Variants in SRSF7 observed in about 807,000 individuals in gnomAD.
SRSF7 encodes the protein serine/arginine-rich splicing factor 7.
In SRSF7, 15 loss-of-function variants were observed where a neutral mutation model predicts 42.2. That is an observed-to-expected ratio of 0.36 (90% CI 0.24 to 0.55). The LOEUF is 0.55. SRSF7 is among the 20% of genes least tolerant of loss of function. The pLI, the probability that SRSF7 is intolerant of heterozygous loss-of-function variation, is 0.88. For synonymous variants in SRSF7, 138 were observed against 107.9 expected (o/e 1.28, Z -1.73); for missense variants, 181 against 305.9 (o/e 0.59, Z 3.04).
Position 38,749,544 on chromosome 2 carries a change from C to A in SRSF7, c.371G>T (p.Arg124Leu). The A allele has an allele frequency of 1.3e-6, 2 of 1,569,718 alleles. No homozygotes were observed. Among genetic ancestry groups the A allele is most frequent in the African/African-American group, 1.4e-5 (1 of 72,626 alleles). ...HYAYDCHRYS[R>L]RRRSRSRSRS... Reference sequence around the variant, plus strand: ...AAATAAATACCTGCTTCTTCTTCGCCGGCTGTAACGATGACAATCATAAGC... The same window carrying A: ...AAATAAATACCTGCTTCTTCTTCGCAGGCTGTAACGATGACAATCATAAGC... The change falls in exon 3 of 8, where the codon CGG becomes CTG. Residue 124 changes from arginine to leucine, a missense_variant. Arg to Leu is a moderately radical substitution (Grantham distance 102). This residue lies in a region of SRSF7 where 136 missense variants were observed against 147.8 expected (regional missense o/e 0.92). Coordinates refer to ENST00000313117, the MANE Select transcript of SRSF7 (RefSeq NM_001031684.3).
intron 2 of SRSF7, 69 bp from the exon 3 acceptor site, chr2:38,749,774 C>G: frequency 1.4e-6 from 2 of 1,426,704 alleles, no homozygotes; most frequent in Non-Finnish European, 1.8e-6. Flanking sequence ...TTAAAAAGAA[C>G]TCTTTCCAAC....
intron 7 of SRSF7, 96 bp from the exon 8 acceptor site, chr2:38,745,283 GTA>G: frequency 7.8e-7 from 1 of 1,277,856 alleles, no homozygotes; most frequent in South Asian, 1.3e-5. Context: ...GTGGCCTAAG[GTA>G]CTAATTTCCT....
Position 38,744,836 on chromosome 2 carries a change from G to A in SRSF7, c.*297C>T. On this transcript the variant is annotated 3_prime_UTR_variant, in exon 8 of 8. Coordinates refer to ENST00000313117, the MANE Select transcript of SRSF7 (RefSeq NM_001031684.3). ...TATGAATAAGGTTAACAATTATAAT[G>A]TCTGACTCTCAAATATATCAAATTA... 6.3e-6 allele frequency: 2 copies of A among 319,632 alleles called. No homozygotes were observed. Among genetic ancestry groups the A allele is most frequent in the Non-Finnish European group, 1.1e-5 (2 of 174,054 alleles). 19.8% of individuals were successfully genotyped at this position (319,632 alleles called of 1,614,324 possible).
Position 38,744,350 on chromosome 2 carries a change from ATT to A in SRSF7, c.*781_*782del. On this transcript the variant is annotated 3_prime_UTR_variant, in exon 8 of 8. Transcript: ENST00000313117. ...ATTTCAGACAATTCCTCAAACATGC[ATT>A]TTTTGGTATAAAACTGGTTAACTAA... 1 of 152,592 alleles carries A rather than the reference ATT, an allele frequency of 6.6e-6. No homozygotes were observed. The highest frequency in any genetic ancestry group is 1.5e-5 in the Non-Finnish European group (1 of 68,044). The allele number at this position is 152,592 out of a possible 1,614,324, so 9.5% of individuals were successfully genotyped here. A position where few individuals can be genotyped will look rare whatever the true frequency, so the allele number is the denominator to read the frequency against.
Position 38,751,350 on chromosome 2 carries a change from C to A in SRSF7, c.-94G>T. 1 of 1,568,572 alleles carries A rather than the reference C, an allele frequency of 6.4e-7. No homozygotes were observed. Among genetic ancestry groups the A allele is most frequent in the Non-Finnish European group, 8.8e-7 (1 of 1,142,360 alleles). The stretch of plus-strand genomic sequence containing the variant: ...ACACACCTTCACCCGCCAAGAGTCC[C>A]GGCGGCACTACGAGGAAGAGCCCGG... On this transcript the variant is annotated 5_prime_UTR_variant, in exon 1 of 8. Coordinates refer to ENST00000313117, the MANE Select transcript of SRSF7 (RefSeq NM_001031684.3).
rs1390142243 is a variant in SRSF7, at chr2:38,746,786, G to A, written c.573-39C>T. ...GTGAAAAACACAATTATATCAATCAGTCCAAAGGAATTTCCTTAACTACTC... is the reference window on the plus strand; with the variant it reads ...GTGAAAAACACAATTATATCAATCAATCCAAAGGAATTTCCTTAACTACTC... On this transcript the variant is annotated intron_variant, in intron 5 of 7. Coordinates refer to ENST00000313117, the MANE Select transcript of SRSF7 (RefSeq NM_001031684.3). 6 of 1,609,054 alleles carry A rather than the reference G, an allele frequency of 3.7e-6. 1 individual carries two copies. The South Asian group carries it at 6.7e-5, about 18-fold the overall frequency.
In SRSF7 at chr2:38,744,189, G is replaced by T; in HGVS notation, c.*944C>A. ...CCTGGCAAAATAGAAGAATGTTGTGGTTGGGAACTGCAAAACCTAGCTTGA... is the reference window on the plus strand; with the variant it reads ...CCTGGCAAAATAGAAGAATGTTGTGTTTGGGAACTGCAAAACCTAGCTTGA... On this transcript the variant is annotated 3_prime_UTR_variant, in exon 8 of 8. Coordinates refer to ENST00000313117, the MANE Select transcript of SRSF7 (RefSeq NM_001031684.3). The T allele has an allele frequency of 6.6e-6, 1 of 152,590 alleles. No homozygotes were observed. The highest frequency in any genetic ancestry group is 6.6e-5 in the Admixed American group (1 of 15,258). The allele number at this position is 152,590 out of a possible 1,614,324, so 9.5% of individuals were successfully genotyped here. A position where few individuals can be genotyped will look rare whatever the true frequency, so the allele number is the denominator to read the frequency against.
intron 4 of SRSF7, 151 bp from the exon 5 acceptor site, chr2:38,748,308 A>T (rs1667786580): frequency 1.5e-6 from 1 of 680,662 alleles, no homozygotes; most frequent in Non-Finnish European, 2.5e-6. Flanking sequence ...CCAGCCTGGG[A>T]AACAGTGCAA....
At position 38,744,980 on chromosome 2, in the gene SRSF7, A is replaced by G; in HGVS notation, c.*153T>C. The G allele has an allele frequency of 1.4e-6, 1 of 695,426 alleles. No homozygotes were observed. The highest frequency in any genetic ancestry group is 2.3e-6 in the Non-Finnish European group (1 of 436,734). 43.1% of individuals were successfully genotyped at this position (695,426 alleles called of 1,614,324 possible). A position where few individuals can be genotyped will look rare whatever the true frequency, so the allele number is the denominator to read the frequency against. ...TGTTAATACATTCAACAAAATTTAT[A>G]TTATCTTACTGCTGTGAATTTACAT... On this transcript the variant is annotated 3_prime_UTR_variant, in exon 8 of 8. Transcript: ENST00000313117.
At chr2:38,745,642 G>T (rs1044962481) in intron 7 of SRSF7, among the ~76,000 whole-genome samples, 1 of 150,506 alleles carries the variant, frequency 6.6e-6, no homozygotes, top group Non-Finnish European at 1.5e-5. Context: ...GGGACAGAGC[G>T]AAAACTCCAT....
intron 7 of SRSF7, among the ~76,000 whole-genome samples, chr2:38,745,420 C>T (rs929796188): frequency 2.0e-5 from 3 of 147,004 alleles, no homozygotes; most frequent in Middle Eastern, 3.2e-3. Flanking sequence ...TGGGAGAGGC[C>T]GAGGCAGGTG....
chr2:38,746,642 T>G, intron 6 of SRSF7, 52 bp downstream of exon 6: 6 of 1,604,238 alleles, frequency 3.7e-6, no homozygotes, highest in Non-Finnish European at 5.1e-6. Context: ...TTTGAACTCT[T>G]TGGATATTGG....
intron 5 of SRSF7, 58 bp downstream of exon 5, chr2:38,747,989 C>T (rs958345935): frequency 1.6e-6 from 2 of 1,268,128 alleles, no homozygotes; most frequent in Non-Finnish European, 2.3e-6. Context: ...CCTTAAGACA[C>T]TCTACTGATA....
chr2:38,750,664 C>T (rs1237891581), intron 1 of SRSF7, among the ~76,000 whole-genome samples: 2 of 149,738 alleles, frequency 1.3e-5, no homozygotes, highest in African/African-American at 4.9e-5. Context: ...GCTCCCCGCC[C>T]CAGAGCCATA....
chr2:38,749,383 A>T, intron 3 of SRSF7, 146 bp downstream of exon 3: 1 of 1,543,454 alleles, frequency 6.5e-7, no homozygotes, highest in Non-Finnish European at 8.7e-7. Flanking sequence ...TTAATATAGT[A>T]ACATTTTTTT....
At position 38,744,826 on chromosome 2, in the gene SRSF7, C is replaced by T; in HGVS notation, c.*307G>A. The T allele has an allele frequency of 2.7e-5, 8 of 292,636 alleles. No homozygotes were observed. The highest frequency in any genetic ancestry group is 4.7e-5 in the Admixed American group (1 of 21,218). 18.1% of individuals were successfully genotyped at this position (292,636 alleles called of 1,614,324 possible). On this transcript the variant is annotated 3_prime_UTR_variant, in exon 8 of 8. Transcript: ENST00000313117. The stretch of plus-strand genomic sequence containing the variant: ...TGTAGGTATGTATGAATAAGGTTAA[C>T]AATTATAATGTCTGACTCTCAAATA...
At chr2:38,748,835 A>G in intron 3 of SRSF7, 182 bp from the exon 4 acceptor site, 2 of 1,322,830 alleles carry the variant, frequency 1.5e-6, no homozygotes, top group Non-Finnish European at 2.0e-6. Flanking sequence ...AGATTTGTTA[A>G]AAGCTGAATT....
chr2:38,747,993 ACT>A, intron 5 of SRSF7, 52 bp downstream of exon 5: 4 of 1,305,926 alleles, frequency 3.1e-6, no homozygotes, highest in Non-Finnish European at 4.4e-6. Context: ...AAGACACTCT[ACT>A]GATAAGATGT....
chr2:38,750,005 C>T lies in SRSF7; in HGVS notation c.209+9G>A. 6 of 1,600,324 alleles carry T rather than the reference C, an allele frequency of 3.7e-6. No individual in the cohort carries two copies. Among genetic ancestry groups the T allele is most frequent in the Non-Finnish European group, 5.1e-6 (6 of 1,174,652 alleles). ...TTAATGAACAGAAGATTCATAACAT[C>T]TTACTTACTTTCCATCCAGTCCTCG... On this transcript the variant is annotated intron_variant, in intron 2 of 7. Coordinates refer to ENST00000313117, the MANE Select transcript of SRSF7 (RefSeq NM_001031684.3).
Sources: allele counts gnomAD v4.1 joint callset (sites outside exome capture counted in the v4.1 genomes callset), GRCh38; gene constraint gnomAD v4.1.1; regional missense constraint gnomAD v4.1.1; transcripts MANE v1.5; gene names NCBI Gene and HGNC (gene_info 2026-07-23, HGNC 2026-07-21).